ZNHIT1: variants seen among roughly 807,000 people sequenced by gnomAD.
ZNHIT1 encodes the protein zinc finger HIT domain-containing protein 1.
Under a neutral mutation model 21.4 loss-of-function variants are expected in ZNHIT1, and 20 were observed. That is an observed-to-expected ratio of 0.93 (90% CI 0.66 to 1.36). The LOEUF (loss-of-function observed/expected upper bound fraction) is 1.36. Among genes scored for constraint, ZNHIT1 ranks in the 40% most tolerant of loss-of-function variants. The pLI is 0.00. For missense variants in ZNHIT1, 170 were observed against 213.5 expected (o/e 0.80, Z 1.27); for synonymous variants, 79 against 84.0 (o/e 0.94, Z 0.32).
Position 101,223,786 on chromosome 7 carries a change from C to T in ZNHIT1, c.387C>T (p.Val129=). 6.2e-7 allele frequency: 1 copy of T among 1,614,196 alleles called. No individual in the cohort carries two copies. Among genetic ancestry groups the T allele is most frequent in the South Asian group, 1.1e-5 (1 of 91,080 alleles). Residue 129 remains valine, a synonymous_variant, in exon 4 of 5, where the codon GTC becomes GTT. Coordinates refer to ENST00000305105, the MANE Select transcript of ZNHIT1 (RefSeq NM_006349.3). ...VCGFPSPYTC[V]SCGARYCTVR... is the part of the protein sequence containing the mutation. Reference sequence around the variant, plus strand: ...GCTTCCCATCCCCCTACACCTGTGTCAGCTGCGGTGCCCGGTACTGCACTG... The same window carrying T: ...GCTTCCCATCCCCCTACACCTGTGTTAGCTGCGGTGCCCGGTACTGCACTG...
chr7:101,218,451 G>C, intron 1 of ZNHIT1: 1 of 546,280 alleles, frequency 1.8e-6, no homozygotes, highest in Non-Finnish European at 3.2e-6. Context: ...TTTTTAATTT[G>C]TTATGTGGTG....
At chr7:101,219,784 C>T (rs1798342351) in intron 1 of ZNHIT1, 1 of 152,180 alleles carries the variant, frequency 6.6e-6, no homozygotes, top group African/African-American at 2.4e-5. Flanking sequence ...ATGTTGGCCT[C>T]AAGGTCTGAA....
chr7:101,223,229 T>C (rs1052095407), intron 2 of ZNHIT1, among the ~76,000 whole-genome samples: 2 of 151,934 alleles, frequency 1.3e-5, no homozygotes, highest in Non-Finnish European at 2.9e-5. Flanking sequence ...AAAACAAAAT[T>C]AGCCAGGCAT....
intron 1 of ZNHIT1, chr7:101,218,532 T>C: frequency 2.6e-6 from 1 of 389,504 alleles, no homozygotes; most frequent in Non-Finnish European, 4.6e-6. Context: ...TGCGTGGGCC[T>C]TCCAAAGTGC....
At chr7:101,218,648 T>C (rs1798324343) in intron 1 of ZNHIT1, 1 of 183,134 alleles carries the variant, frequency 5.5e-6, no homozygotes, top group Non-Finnish European at 1.1e-5. Context: ...GTTTTATTGG[T>C]GCCTGCTCCA....
intron 1 of ZNHIT1, chr7:101,220,061 A>C (rs1278923550): frequency 6.6e-6 from 1 of 151,306 alleles, no homozygotes; most frequent in African/African-American, 2.4e-5. Flanking sequence ...GAGGGGAGAC[A>C]GAGTAGTACA....
Position 101,218,217 on chromosome 7 carries a change from G to A in ZNHIT1, c.22G>A (p.Val8Ile), listed in dbSNP as rs1798316692. 1.9e-6 allele frequency: 3 copies of A among 1,612,770 alleles called. No individual in the cohort carries two copies. The highest frequency in any genetic ancestry group is 1.7e-6 in the Non-Finnish European group (2 of 1,179,208). The change falls in exon 1 of 5, where the codon GTT (valine) becomes ATT (isoleucine). Residue 8 changes from valine (V) to isoleucine (I), a missense_variant and splice_region_variant. By Grantham distance (29) the Val-to-Ile change is conservative. Coordinates refer to ENST00000305105, the MANE Select transcript of ZNHIT1 (RefSeq NM_006349.3). MVEKKTS[V>I]RSQDPGQRRV... Reference sequence around the variant, plus strand: ...GCCAATGGTGGAGAAGAAAACTTCGGGTATGTGAGCCCCCGCGGTTCGCCC... The same window carrying A: ...GCCAATGGTGGAGAAGAAAACTTCGAGTATGTGAGCCCCCGCGGTTCGCCC...
Position 101,222,775 on chromosome 7 carries a change from G to A in ZNHIT1, c.193+1G>A, listed in dbSNP as rs1798392269. ...CAGTTTGATGACGATGCGGACACTG[G>A]TGAGGCGGATGGAGGAGGAAGCGGG... On this transcript the variant is annotated splice_donor_variant, in intron 2 of 4. Transcript: ENST00000305105. LOFTEE classifies it high-confidence loss of function. 1 of 1,613,186 alleles carries A rather than the reference G, an allele frequency of 6.2e-7. No individual in the cohort carries two copies. The highest frequency in any genetic ancestry group is 2.2e-5 in the East Asian group (1 of 44,852).
Position 101,223,678 on chromosome 7 carries a change from G to T in ZNHIT1, c.279G>T (p.Leu93Phe). ...CCGGCCCCTTGTCTCTGCAGAACTT[G>T]AGTGTGGCCGAGGGCCCTAACTACC... ...NFQALLEEQN[L>F]SVAEGPNYLT... Residue 93 changes from leucine (L) to phenylalanine (F), a missense_variant, in exon 4 of 5, where the codon TTG becomes TTT. Physicochemically the swap from Leu to Phe is conservative, Grantham distance 22. Coordinates refer to ENST00000305105, the MANE Select transcript of ZNHIT1 (RefSeq NM_006349.3). 1 of 1,610,492 alleles carries T rather than the reference G, an allele frequency of 6.2e-7. No homozygotes were observed. The highest frequency in any genetic ancestry group is 8.5e-7 in the Non-Finnish European group (1 of 1,178,058).
intron 1 of ZNHIT1, 141 bp downstream of exon 1, chr7:101,218,358 C>G: frequency 1.1e-6 from 1 of 914,420 alleles, no homozygotes; most frequent in East Asian, 2.7e-5. Context: ...ACTGCAGCCT[C>G]GATTTCCTGG....
intron 1 of ZNHIT1, chr7:101,221,667 A>C (rs1798372140): frequency 6.6e-6 from 1 of 152,250 alleles, no homozygotes; most frequent in Admixed American, 6.6e-5. Context: ...GACTGAGCAG[A>C]GAAGAGGGCC....
chr7:101,222,808 A>T, intron 2 of ZNHIT1, 34 bp downstream of exon 2: 1 of 1,603,796 alleles, frequency 6.2e-7, no homozygotes, highest in Non-Finnish European at 8.5e-7. Flanking sequence ...GGGGGATGGG[A>T]CTGAGAGGAG....
At chr7:101,221,222 CT>C (rs1317909774) in intron 1 of ZNHIT1, 9,003 of 126,928 alleles carry the variant, frequency 0.071, 265 homozygotes, top group African/African-American at 0.11. Flanking sequence ...TTCCTTCTTT[CT>C]TTTTTTTTTT....
chr7:101,220,242 C>T, intron 1 of ZNHIT1: 1 of 151,634 alleles, frequency 6.6e-6, no homozygotes, highest in Non-Finnish European at 1.5e-5. Flanking sequence ...GCCTCAGCCT[C>T]CTGAATAGCT....
chr7:101,223,428 G>C (rs1196219041), intron 2 of ZNHIT1, 49 bp from the exon 3 acceptor site: 7 of 1,592,288 alleles, frequency 4.4e-6, no homozygotes, highest in Non-Finnish European at 6.0e-6. Flanking sequence ...AGAGAAAGCT[G>C]CTGTCTTTCT....
chr7:101,223,394 C>A, intron 2 of ZNHIT1, 83 bp from the exon 3 acceptor site: 1 of 1,466,740 alleles, frequency 6.8e-7, no homozygotes, highest in Non-Finnish European at 9.5e-7. Flanking sequence ...CAGGAGGGCA[C>A]ATGGGCATGG....
Position 101,223,657 on chromosome 7 carries a change from C to T in ZNHIT1, c.274-16C>T. 8 of 1,611,144 alleles carry T rather than the reference C, an allele frequency of 5.0e-6. No individual in the cohort carries two copies. Among genetic ancestry groups the T allele is most frequent in the Non-Finnish European group, 6.8e-6 (8 of 1,178,356 alleles). On this transcript the variant is annotated splice_polypyrimidine_tract_variant and intron_variant, in intron 3 of 4. Coordinates refer to ENST00000305105, the MANE Select transcript of ZNHIT1 (RefSeq NM_006349.3). ...GTGGGCGGAGGAGTTCTAGAGCCGG[C>T]CCCTTGTCTCTGCAGAACTTGAGTG...
chr7:101,222,424 AG>A, intron 1 of ZNHIT1, 179 bp from the exon 2 acceptor site: 4 of 535,466 alleles, frequency 7.5e-6, no homozygotes, highest in Non-Finnish European at 1.2e-5. Flanking sequence ...CTGGCGGGAC[AG>A]GAAGTGTGGG....
chr7:101,222,830 C>A (rs1179053366), intron 2 of ZNHIT1, 56 bp downstream of exon 2: 2 of 1,569,374 alleles, frequency 1.3e-6, no homozygotes, highest in Non-Finnish European at 1.7e-6. Flanking sequence ...GCGGGAGAGT[C>A]CGCCCAACTC....
Sources: allele counts gnomAD v4.1 joint callset (sites outside exome capture counted in the v4.1 genomes callset), GRCh38; gene constraint gnomAD v4.1.1; transcripts MANE v1.5; gene names NCBI Gene and HGNC (gene_info 2026-07-23, HGNC 2026-07-21).